MAOA: variants seen among roughly 807,000 people sequenced by gnomAD.
MAOA encodes the protein amine oxidase [flavin-containing] A.
A neutral mutation model predicts 42.0 loss-of-function variants in MAOA; 6 were observed. That is an observed-to-expected ratio of 0.14 (90% CI 0.08 to 0.28). MAOA has a LOEUF of 0.28. MAOA is among the 10% of genes least tolerant of loss of function. The probability of loss-of-function intolerance (pLI) is 1.00; values close to 1 mark genes in which losing one functional copy is unlikely to be tolerated. For synonymous variants in MAOA, 140 were observed against 154.0 expected (o/e 0.91, Z 0.67); for missense variants, 262 against 422.3 (o/e 0.62, Z 3.33).
chrX:43,732,779 C>T lies in MAOA; in HGVS notation c.1036C>T (p.Leu346=). The change falls in exon 9 of 15, where the codon CTG becomes TTG. Residue 346 remains leucine (L), a synonymous_variant. Coordinates refer to ENST00000338702, the MANE Select transcript of MAOA (RefSeq NM_000240.4). ...TLDDTKPDGS[L]PAIMGFILAR... ...GGATGACACCAAGCCAGATGGGTCA[C>T]TGCCTGCCATCATGGGGTAGGTTAG... 8.3e-7 allele frequency: 1 copy of T among 1,204,069 alleles called. No homozygotes were observed. The highest frequency in any genetic ancestry group is 1.7e-5 in the African/African-American group (1 of 57,538).
chrX:43,694,683 C>T (rs941704953), intron 3 of MAOA, among the ~76,000 whole-genome samples: 2 of 112,011 alleles, frequency 1.8e-5, no homozygotes, highest in East Asian at 5.6e-4. Context: ...ACAGTGTTTC[C>T]ATGGACTAGT....
rs769088112 is a variant in MAOA at position 43,744,047 on chromosome X, G to C, written c.1375-62G>C. 3.4e-5 allele frequency: 41 copies of C among 1,192,692 alleles called. No individual in the cohort carries two copies. In the African/African-American group the frequency reaches 5.1e-4, roughly 15 times the overall value. ...CATGGGGCTCATCTGTGGCTAGCAG[G>C]GCCTTGAATCTGTAGAAACTATACA... On this transcript the variant is annotated intron_variant, in intron 13 of 14. Coordinates refer to ENST00000338702, the MANE Select transcript of MAOA (RefSeq NM_000240.4).
intron 5 of MAOA, among the ~76,000 whole-genome samples, chrX:43,715,718 C>T (rs764752815): frequency 1.8e-5 from 2 of 108,740 alleles, no homozygotes; most frequent in African/African-American, 6.7e-5. Flanking sequence ...GTGGTGTTTT[C>T]GGGGACATGG....
Position 43,693,381 on chromosome X carries a change from G to A in MAOA, c.259G>A (p.Glu87Lys). Reference sequence around the variant, plus strand: ...ACGCTTGTCTAAGGAGCTGGGCATAGAGACTTACAAAGTGAATGTCAGTGA... The same window carrying A: ...ACGCTTGTCTAAGGAGCTGGGCATAAAGACTTACAAAGTGAATGTCAGTGA... ...ILRLSKELGIETYKVNVSERL... is the reference protein window; with the variant it reads ...ILRLSKELGIKTYKVNVSERL... Residue 87 changes from glutamate to lysine, a missense_variant, in exon 3 of 15, where the codon GAG (glutamate) becomes AAG (lysine). Transcript: ENST00000338702. The A allele has an allele frequency of 8.3e-7, 1 of 1,211,100 alleles. No homozygotes were observed. Among genetic ancestry groups the A allele is most frequent in the Middle Eastern group, 2.3e-4 (1 of 4,353 alleles).
intron 11 of MAOA, among the ~76,000 whole-genome samples, 155 bp downstream of exon 11, chrX:43,740,893 A>G (rs1472813341): frequency 9.0e-6 from 1 of 111,635 alleles, no homozygotes; most frequent in Non-Finnish European, 1.9e-5. Flanking sequence ...ACAAAAGGTC[A>G]TTAAAAGCTG....
intron 1 of MAOA, among the ~76,000 whole-genome samples, chrX:43,673,687 C>T (rs1400351050): frequency 1.8e-5 from 2 of 110,972 alleles, no homozygotes; most frequent in Non-Finnish European, 3.8e-5. Context: ...TTATTTCTGC[C>T]TTCATTTTGT....
At chrX:43,703,816 A>G (rs957741037) in intron 3 of MAOA, among the ~76,000 whole-genome samples, 2 of 111,478 alleles carry the variant, frequency 1.8e-5, no homozygotes, top group Non-Finnish European at 3.8e-5. Context: ...TATTGAACAC[A>G]AACCAGGATT....
chrX:43,667,432 G>A (rs1372448886), intron 1 of MAOA, among the ~76,000 whole-genome samples: 1 of 111,193 alleles, frequency 9.0e-6, no homozygotes, highest in Non-Finnish European at 1.9e-5. Flanking sequence ...ATTATTTGAT[G>A]GGTGAATAGA....
intron 2 of MAOA, among the ~76,000 whole-genome samples, chrX:43,685,168 C>T (rs2147081773): frequency 9.0e-6 from 1 of 111,306 alleles, no homozygotes; most frequent in African/African-American, 3.3e-5. Context: ...GCATGAGCCA[C>T]CGCACCCAGC....
chrX:43,729,099 G>A (rs1434814616), intron 6 of MAOA, among the ~76,000 whole-genome samples: 1 of 112,387 alleles, frequency 8.9e-6, no homozygotes, highest in Non-Finnish European at 1.9e-5. Context: ...AAGGTATAGA[G>A]TCTTTCTCTG....
rs773170294 is a variant in MAOA at position 43,670,852 on chromosome X, T to G, written c.74-12661T>G. Among the ~76,000 whole-genome samples, 11 of 109,066 alleles carry G rather than the reference T, an allele frequency of 1.0e-4. No individual in the cohort carries two copies. In the East Asian group the frequency reaches 3.2e-3, roughly 32 times the overall value. 94.7% of individuals were successfully genotyped at this position (109,066 alleles called of 115,157 possible). A position where few individuals can be genotyped will look rare whatever the true frequency, so the allele number is the denominator to read the frequency against. On this transcript the variant is annotated intron_variant, in intron 1 of 14. Transcript: ENST00000338702. ...AATCCAGTCTATCATTGTTGGACATTTAGGTTGGTTCCAAGTCTTTGCTAT... is the reference window on the plus strand; with the variant it reads ...AATCCAGTCTATCATTGTTGGACATGTAGGTTGGTTCCAAGTCTTTGCTAT...
chrX:43,693,230 C>T, intron 2 of MAOA, 61 bp from the exon 3 acceptor site: 1 of 1,108,656 alleles, frequency 9.0e-7, no homozygotes, highest in Non-Finnish European at 1.2e-6. Context: ...TATTTTTTTA[C>T]AAGACACCTT....
chrX:43,733,849 A>T (rs1216127259), intron 9 of MAOA, among the ~76,000 whole-genome samples: 2 of 112,231 alleles, frequency 1.8e-5, no homozygotes, highest in African/African-American at 3.2e-5. Context: ...TCATTGTAAC[A>T]TATAAGAACA....
intron 6 of MAOA, among the ~76,000 whole-genome samples, chrX:43,730,318 G>A (rs1247350871): frequency 9.1e-6 from 1 of 109,474 alleles, no homozygotes; most frequent in Non-Finnish European, 1.9e-5. Context: ...CATGGTGATC[G>A]TAGCAGAAGG....
chrX:43,744,083 A>G, intron 13 of MAOA, 26 bp from the exon 14 acceptor site: 1 of 1,205,306 alleles, frequency 8.3e-7, no homozygotes, highest in Non-Finnish European at 1.1e-6. Context: ...GCCTCTTTTC[A>G]TAATACCATG....
rs1569201649 is a variant in MAOA, at chrX:43,736,260, T to C, written c.1086T>C (p.Ala362=). The change falls in exon 10 of 15, where the codon GCT becomes GCC. Residue 362 remains alanine (A), a synonymous_variant. Coordinates refer to ENST00000338702, the MANE Select transcript of MAOA (RefSeq NM_000240.4). ...TTGCCCGGAAAGCTGATCGACTTGCTAAGCTACATAAGGAAATAAGGTAAG... is the reference window on the plus strand; with the variant it reads ...TTGCCCGGAAAGCTGATCGACTTGCCAAGCTACATAAGGAAATAAGGTAAG... The part of the protein sequence containing the change: ...FILARKADRL[A]KLHKEIRKKK... 2 of 1,188,884 alleles carry C rather than the reference T, an allele frequency of 1.7e-6. No individual in the cohort carries two copies. The highest frequency in any genetic ancestry group is 1.8e-5 in the South Asian group (1 of 55,916).
chrX:43,657,120 GTATGAAC>G (rs2033187269), intron 1 of MAOA, among the ~76,000 whole-genome samples: 17 of 81,593 alleles, frequency 2.1e-4, no homozygotes, highest in African/African-American at 7.7e-4. Context: ...GTGTGTGTGT[GTATGAAC>G]TGTGTTTATA....
intron 5 of MAOA, among the ~76,000 whole-genome samples, chrX:43,722,694 G>C (rs748261404): frequency 2.7e-5 from 3 of 111,911 alleles, no homozygotes; most frequent in Non-Finnish European, 5.6e-5. Context: ...AGTTTAATTA[G>C]ATCCCATTTG....
At chrX:43,742,845 G>A (rs942774718) in intron 12 of MAOA, among the ~76,000 whole-genome samples, 1 of 111,834 alleles carries the variant, frequency 8.9e-6, no homozygotes, top group African/African-American at 3.3e-5. Flanking sequence ...GGTCACATTT[G>A]TCCACTGAAA....
Sources: gnomAD v4.1 joint callset for allele counts (sites outside exome capture counted in the v4.1 genomes callset) on GRCh38, gnomAD v4.1.1 for gene constraint, MANE v1.5 for transcripts, NCBI Gene and HGNC (gene_info 2026-07-23, HGNC 2026-07-21) for gene names.